Variants in PTPRD observed in about 807,000 individuals in gnomAD.
The protein encoded by PTPRD is protein tyrosine phosphatase receptor type D.
In PTPRD, 34 loss-of-function variants were observed where a neutral mutation model predicts 214.5. That is an observed-to-expected ratio of 0.16 (90% CI 0.12 to 0.21). PTPRD has a LOEUF of 0.21. Among genes scored for constraint, PTPRD ranks in the 10% least tolerant of loss-of-function variants. The pLI is 1.00. For missense variants in PTPRD, 2,545 were observed against 2,398.7 expected, an observed-to-expected ratio of 1.06 and a Z score of -1.27; for synonymous variants, 1,128 against 845.7, an observed-to-expected ratio of 1.33 and a Z score of -5.79.
rs910603478 is a variant in PTPRD, at chr9:8,507,508, C to G, written c.1544-74G>C. The G allele has an allele frequency of 5.7e-6, 9 of 1,571,916 alleles. No individual in the cohort carries two copies. The African/African-American group carries it at 1.1e-4, about 19-fold the overall frequency. On this transcript the variant is annotated intron_variant, in intron 21 of 45. Coordinates refer to ENST00000381196, the MANE Select transcript of PTPRD (RefSeq NM_002839.4). ...CACAAAGTTCTTCCATTAGCGTAACCTGCTTAAACCTTTCGAAATCTGTAC... is the reference window on the plus strand; with the variant it reads ...CACAAAGTTCTTCCATTAGCGTAACGTGCTTAAACCTTTCGAAATCTGTAC...
At chr9:9,479,932 G>A (rs1569568688) in intron 8 of PTPRD, among the ~76,000 whole-genome samples, 1 of 152,074 alleles carries the variant, frequency 6.6e-6, no homozygotes, top group African/African-American at 2.4e-5. Flanking sequence ...TATAATAAAA[G>A]CAAATCTGAC....
intron 5 of PTPRD, among the ~76,000 whole-genome samples, chr9:9,920,135 G>C (rs1213585104): frequency 6.6e-6 from 1 of 151,966 alleles, no homozygotes; most frequent in African/African-American, 2.4e-5. Context: ...TGTCAGTTTT[G>C]GTTTGTGTCT....
intron 7 of PTPRD, among the ~76,000 whole-genome samples, chr9:9,639,057 C>T (rs992191763): frequency 6.6e-6 from 1 of 152,222 alleles, no homozygotes; most frequent in African/African-American, 2.4e-5. Context: ...ATTTCCAACA[C>T]ATACATTTTG....
intron 9 of PTPRD, among the ~76,000 whole-genome samples, chr9:9,228,799 G>C (rs1222948872): frequency 6.6e-6 from 1 of 151,940 alleles, no homozygotes; most frequent in Non-Finnish European, 1.5e-5. Flanking sequence ...CTTTTCCCTT[G>C]TCTTGCCTTC....
chr9:10,588,753 T>C (rs1410542471), intron 2 of PTPRD, among the ~76,000 whole-genome samples: 2 of 151,884 alleles, frequency 1.3e-5, no homozygotes, highest in Non-Finnish European at 2.9e-5. Context: ...TCTCTTCCTT[T>C]AGGTCTTTAG....
At chr9:9,144,740 G>A (rs1390808902) in intron 10 of PTPRD, among the ~76,000 whole-genome samples, 3 of 151,906 alleles carry the variant, frequency 2.0e-5, no homozygotes, top group Non-Finnish European at 4.4e-5. Context: ...GCGACAGAGC[G>A]AGACTCTGTC....
At chr9:9,082,156 A>G (rs1189249383) in intron 10 of PTPRD, among the ~76,000 whole-genome samples, 1 of 152,028 alleles carries the variant, frequency 6.6e-6, no homozygotes, top group African/African-American at 2.4e-5. Context: ...GAGACACAAC[A>G]AAAAAAGAAA....
At chr9:8,864,112 T>C (rs2098154135) in intron 11 of PTPRD, among the ~76,000 whole-genome samples, 1 of 152,128 alleles carries the variant, frequency 6.6e-6, no homozygotes. Flanking sequence ...TCACAGATAG[T>C]TGTGAGGAGG....
At chr9:10,597,612 AC>A (rs767534574) in intron 2 of PTPRD, among the ~76,000 whole-genome samples, 3 of 151,812 alleles carry the variant, frequency 2.0e-5, no homozygotes, top group Non-Finnish European at 2.9e-5. Context: ...TTTTTAATTA[AC>A]GCATTCTGCA....
chr9:9,131,290 T>A (rs1265250661), intron 10 of PTPRD, among the ~76,000 whole-genome samples: 4 of 152,184 alleles, frequency 2.6e-5, no homozygotes, highest in Non-Finnish European at 4.4e-5. Flanking sequence ...TTTTAGTATT[T>A]GTGGAGGAAC....
chr9:9,560,921 C>T (rs531109327), intron 8 of PTPRD, among the ~76,000 whole-genome samples: 34 of 152,182 alleles, frequency 2.2e-4, no homozygotes, highest in East Asian at 1.4e-3. Context: ...TTTCTGGGCA[C>T]GAGCAAGCCG....
intron 30 of PTPRD, among the ~76,000 whole-genome samples, chr9:8,478,163 C>T (rs2096803716): frequency 6.6e-6 from 1 of 152,220 alleles, no homozygotes; most frequent in Non-Finnish European, 1.5e-5. Context: ...ATACCTACCT[C>T]ACAGGGTTAT....
At chr9:10,466,492 G>C (rs1042261771) in intron 2 of PTPRD, among the ~76,000 whole-genome samples, 1 of 151,402 alleles carries the variant, frequency 6.6e-6, no homozygotes, top group Non-Finnish European at 1.5e-5. Context: ...GCGTGGTGGC[G>C]CATGCCTGTA....
In PTPRD at chr9:9,038,918, T is replaced by C. The variant is rs141507793; in HGVS notation, c.-142-20183A>G. On this transcript the variant is annotated intron_variant, in intron 10 of 45. Transcript: ENST00000381196. ...CCCAGGAAGGTTTTTTGTTGTTTGA[T>C]ATACTGAGTACCACTTACTTTTGTA... is the stretch of plus-strand genomic sequence containing the variant. Among the ~76,000 whole-genome samples, 196 of 152,224 alleles carry C rather than the reference T, an allele frequency of 1.3e-3. 2 individuals are homozygous for C. The East Asian group carries it at 0.023, about 18-fold the overall frequency.
chr9:8,636,387 T>G (rs773729055), intron 13 of PTPRD, among the ~76,000 whole-genome samples: 9 of 152,090 alleles, frequency 5.9e-5, no homozygotes, highest in Admixed American at 2.6e-4. Context: ...AGAGACAAGC[T>G]TTCATACATC....
intron 6 of PTPRD, among the ~76,000 whole-genome samples, chr9:9,737,649 A>G (rs1215407887): frequency 6.6e-6 from 1 of 152,196 alleles, no homozygotes; most frequent in Non-Finnish European, 1.5e-5. Flanking sequence ...AAGTCCATTT[A>G]TACTGTTGCA....
intron 8 of PTPRD, among the ~76,000 whole-genome samples, chr9:9,552,228 G>A (rs896586977): frequency 2.0e-5 from 3 of 151,880 alleles, no homozygotes; most frequent in Admixed American, 6.6e-5. Flanking sequence ...ATTATTCCAC[G>A]CCATCTCTTA....
intron 10 of PTPRD, among the ~76,000 whole-genome samples, chr9:9,158,088 T>G (rs916170796): frequency 1.3e-5 from 2 of 152,184 alleles, no homozygotes; most frequent in South Asian, 4.1e-4. Flanking sequence ...ATGGTATATA[T>G]GTACCATATT....
chr9:9,786,751 A>G (rs959286733), intron 5 of PTPRD, among the ~76,000 whole-genome samples: 3 of 152,172 alleles, frequency 2.0e-5, no homozygotes, highest in Admixed American at 2.0e-4. Flanking sequence ...GTGCACATGT[A>G]CCCTAGAACT....
Sources: allele counts gnomAD v4.1 joint callset (sites outside exome capture counted in the v4.1 genomes callset), GRCh38; gene constraint gnomAD v4.1.1; transcripts MANE v1.5; gene names NCBI Gene and HGNC (gene_info 2026-07-23, HGNC 2026-07-21).